The following NEGR1 variants were observed in gnomAD, a reference collection of about 807,000 sequenced individuals.
The protein encoded by NEGR1 is neuronal growth regulator 1.
In NEGR1, 10 loss-of-function variants were observed where a neutral mutation model predicts 40.9. That is an observed-to-expected ratio of 0.24 (90% CI 0.15 to 0.42). The LOEUF (loss-of-function observed/expected upper bound fraction) is 0.42, where lower values mean the gene tolerates loss of function less well. NEGR1 is among the 10% of genes least tolerant of loss of function. The probability of loss-of-function intolerance (pLI) is 1.00; values close to 1 mark genes in which losing one functional copy is unlikely to be tolerated. For missense variants in NEGR1, 352 were observed against 438.9 expected (o/e 0.80, Z 1.77); for synonymous variants, 185 against 166.8 (o/e 1.11, Z -0.84).
intron 6 of NEGR1, among the ~76,000 whole-genome samples, chr1:71,442,144 T>C (rs560878633): frequency 6.6e-6 from 1 of 150,516 alleles, no homozygotes; most frequent in African/African-American, 2.4e-5. Context: ...TCTCTATAAA[T>C]GCATTTGCAA....
At chr1:72,132,797 TAA>T (rs1332592567) in intron 1 of NEGR1, among the ~76,000 whole-genome samples, 1 of 152,128 alleles carries the variant, frequency 6.6e-6, no homozygotes, top group Admixed American at 6.6e-5. Flanking sequence ...AAATGGAATC[TAA>T]AGTGCATAAT....
rs1213441 is a variant in NEGR1, at chr1:71,527,511, T to A, written c.940+65306A>T. ...AGATTTTCGAATTTTGTTTAGTAAA[T>A]AAATAGATAAATTACCCAACCTTCT... On this transcript the variant is annotated intron_variant, in intron 6 of 6. Transcript: ENST00000357731. Among the ~76,000 whole-genome samples, 4 of 151,558 alleles carry A rather than the reference T, an allele frequency of 2.6e-5. No individual in the cohort carries two copies. The East Asian group carries it at 7.8e-4, about 30-fold the overall frequency.
intron 3 of NEGR1, among the ~76,000 whole-genome samples, chr1:71,745,609 C>G (rs1332983073): frequency 2.6e-5 from 4 of 152,050 alleles, no homozygotes; most frequent in Non-Finnish European, 5.9e-5. Context: ...AGTTTCTGGA[C>G]TGTAAAAATT....
intron 4 of NEGR1, among the ~76,000 whole-genome samples, chr1:71,685,613 G>A (rs1016854024): frequency 6.6e-6 from 1 of 151,932 alleles, no homozygotes; most frequent in Non-Finnish European, 1.5e-5. Flanking sequence ...AGCCACCGCA[G>A]GCCGAGGTTA....
intron 2 of NEGR1, among the ~76,000 whole-genome samples, chr1:71,898,733 T>C (rs1661042021): frequency 6.6e-6 from 1 of 150,842 alleles, no homozygotes; most frequent in Admixed American, 6.6e-5. Context: ...TGTGTTTAAA[T>C]AAATGTTTGG....
intron 4 of NEGR1, among the ~76,000 whole-genome samples, chr1:71,689,289 T>C (rs1411058383): frequency 6.6e-6 from 1 of 152,132 alleles, no homozygotes; most frequent in Admixed American, 6.6e-5. Context: ...TGTTAGGAGG[T>C]GAATTCATGC....
intron 6 of NEGR1, among the ~76,000 whole-genome samples, chr1:71,420,090 C>A (rs188721555): frequency 0.012 from 1,789 of 152,008 alleles, 44 homozygotes; most frequent in African/African-American, 0.041. Context: ...TGTTTGAAAT[C>A]ATTTTTGACT....
intron 1 of NEGR1, among the ~76,000 whole-genome samples, chr1:72,169,064 T>C (rs1253042019): frequency 2.0e-5 from 3 of 152,132 alleles, no homozygotes; most frequent in African/African-American, 7.2e-5. Context: ...AAAGAAGATA[T>C]AACAATTTTT....
chr1:71,655,179 A>G (rs1188724781), intron 4 of NEGR1, among the ~76,000 whole-genome samples: 1 of 152,180 alleles, frequency 6.6e-6, no homozygotes, highest in Non-Finnish European at 1.5e-5. Context: ...AGAGTCTAGA[A>G]CTAATTGCTG....
At chr1:71,803,957 C>G (rs910003791) in intron 2 of NEGR1, among the ~76,000 whole-genome samples, 15 of 151,814 alleles carry the variant, frequency 9.9e-5, no homozygotes, top group African/African-American at 3.4e-4. Context: ...CTCTGCTAGT[C>G]AAAGAATAAT....
chr1:71,861,208 GAC>G (rs1338579545), intron 2 of NEGR1, among the ~76,000 whole-genome samples: 3 of 151,856 alleles, frequency 2.0e-5, no homozygotes, highest in Non-Finnish European at 4.4e-5. Context: ...ATCTCTTTGT[GAC>G]TCATATAAAA....
At chr1:72,202,085 T>C (rs951519194) in intron 1 of NEGR1, among the ~76,000 whole-genome samples, 2 of 151,954 alleles carry the variant, frequency 1.3e-5, no homozygotes, top group Non-Finnish European at 2.9e-5. Flanking sequence ...ATTCCTGCGG[T>C]AAGTCAAACA....
intron 1 of NEGR1, among the ~76,000 whole-genome samples, chr1:72,209,526 C>T (rs561645962): frequency 6.6e-6 from 1 of 151,860 alleles, no homozygotes; most frequent in East Asian, 1.9e-4. Flanking sequence ...CTCTGAACAC[C>T]TATCCCACTC....
chr1:71,867,954 T>C (rs944758948), intron 2 of NEGR1, among the ~76,000 whole-genome samples: 4 of 152,180 alleles, frequency 2.6e-5, no homozygotes, highest in African/African-American at 9.6e-5. Context: ...CAGAAACTAT[T>C]TTAGGATTAT....
intron 1 of NEGR1, among the ~76,000 whole-genome samples, chr1:72,133,700 CAG>C (rs1355939317): frequency 2.0e-5 from 3 of 151,302 alleles, no homozygotes; most frequent in African/African-American, 7.3e-5. Flanking sequence ...AATATTTTAG[CAG>C]AGATTCATTA....
At chr1:72,046,277 A>C (rs1647001412) in intron 1 of NEGR1, among the ~76,000 whole-genome samples, 1 of 151,744 alleles carries the variant, frequency 6.6e-6, no homozygotes. Context: ...GGATGAAATG[A>C]TAAAAATTAA....
intron 5 of NEGR1, among the ~76,000 whole-genome samples, chr1:71,606,576 G>A (rs756457478): frequency 2.0e-5 from 3 of 152,136 alleles, no homozygotes; most frequent in Non-Finnish European, 2.9e-5. Context: ...AACATGGGCC[G>A]AGAGGTTATC....
chr1:71,686,119 A>G (rs890997497), intron 4 of NEGR1, among the ~76,000 whole-genome samples: 2 of 152,128 alleles, frequency 1.3e-5, no homozygotes, highest in African/African-American at 4.8e-5. Flanking sequence ...AGAAAAATCC[A>G]TTATCTCTCT....
At chr1:72,124,189 C>T (rs1449540591) in intron 1 of NEGR1, among the ~76,000 whole-genome samples, 1 of 151,964 alleles carries the variant, frequency 6.6e-6, no homozygotes, top group Non-Finnish European at 1.5e-5. Flanking sequence ...CAAGCCATCA[C>T]CAAGGAGGTT....
Sources: allele counts gnomAD v4.1 joint callset (sites outside exome capture counted in the v4.1 genomes callset), GRCh38; gene constraint gnomAD v4.1.1; transcripts MANE v1.5; gene names NCBI Gene and HGNC (gene_info 2026-07-23, HGNC 2026-07-21).